CA10: variants seen among roughly 807,000 people sequenced by gnomAD.
CA10 encodes the protein carbonic anhydrase 10 (inactive).
A neutral mutation model predicts 44.2 loss-of-function variants in CA10; 14 were observed. The observed-to-expected ratio is 0.32, with a 90% confidence interval of 0.21 to 0.50. CA10 has a LOEUF of 0.50. Among genes scored for constraint, CA10 ranks in the 20% least tolerant of loss-of-function variants. The pLI, the probability that CA10 is intolerant of heterozygous loss-of-function variation, is 0.99. For synonymous variants in CA10, 159 were observed against 141.6 expected, an observed-to-expected ratio of 1.12 and a Z score of -0.87; for missense variants, 350 against 409.7, an observed-to-expected ratio of 0.85 and a Z score of 1.26.
rs2143203248 is a variant in CA10, at chr17:51,633,501, G to A, written c.939C>T (p.Asn313=). The A allele has an allele frequency of 6.2e-7, 1 of 1,613,734 alleles. No homozygotes were observed. The highest frequency in any genetic ancestry group is 8.5e-7 in the Non-Finnish European group (1 of 1,179,804). ...FSLQGKDCPN[N]RAQKLQYRVN... is the part of the protein sequence containing the mutation. ...CTCTATACTGAAGCTTCTGGGCTCG[G>A]TTGTTTGGACAGTCCTTCCCCTGTA... Residue 313 remains asparagine, a synonymous_variant, in exon 8 of 9, where the codon AAC becomes AAT. Coordinates refer to ENST00000451037, the MANE Select transcript of CA10 (RefSeq NM_020178.5).
At chr17:51,668,823 C>T (rs1005483385) in intron 4 of CA10, among the ~76,000 whole-genome samples, 7 of 152,100 alleles carry the variant, frequency 4.6e-5, no homozygotes, top group African/African-American at 1.2e-4. Flanking sequence ...TGGGCCAGCG[C>T]GAGTTCTGGG....
chr17:51,684,571 A>G (rs1399709950), intron 4 of CA10, among the ~76,000 whole-genome samples: 2 of 152,216 alleles, frequency 1.3e-5, no homozygotes, highest in Non-Finnish European at 2.9e-5. Flanking sequence ...CATAGCTTAC[A>G]TCGCTGACAC....
chr17:52,140,070 G>C (rs1446533199), intron 1 of CA10, among the ~76,000 whole-genome samples: 1 of 152,154 alleles, frequency 6.6e-6, no homozygotes, highest in Non-Finnish European at 1.5e-5. Flanking sequence ...CAGATCTGTG[G>C]TTGCCTGCAC....
chr17:51,632,977 A>G (rs1450609849), intron 8 of CA10, among the ~76,000 whole-genome samples: 2 of 152,172 alleles, frequency 1.3e-5, no homozygotes, highest in Non-Finnish European at 2.9e-5. Context: ...TGCCCTTTAG[A>G]GTATTTGTTC....
In CA10 at chr17:51,747,837, C is replaced by G; in HGVS notation, c.280-19G>C. ...CACTGACCTGCAAGGCAATTAGCAA[C>G]AGGTCAAGCAAGGCCCTCCTTCTTC... On this transcript the variant is annotated intron_variant, in intron 3 of 8. Coordinates refer to ENST00000451037, the MANE Select transcript of CA10 (RefSeq NM_020178.5). 1 of 1,592,510 alleles carries G rather than the reference C, an allele frequency of 6.3e-7. No individual in the cohort carries two copies. The highest frequency in any genetic ancestry group is 8.6e-7 in the Non-Finnish European group (1 of 1,167,674).
Position 51,824,676 on chromosome 17 carries a change from T to A in CA10, c.280-76858A>T, listed in dbSNP as rs76987195. 0.021 allele frequency among the ~76,000 whole-genome samples: 3,181 copies of A among 152,290 alleles called. 219 individuals are homozygous for A. The East Asian group carries it at 0.24, about 11-fold the overall frequency. ...TAACACCCTGACCCCAGCCCTGCAC[T>A]CTAATCATAGTTATGCGTTGAATCT... On this transcript the variant is annotated intron_variant, in intron 3 of 8. Transcript: ENST00000451037.
At chr17:52,094,987 T>C (rs1177177950) in intron 1 of CA10, among the ~76,000 whole-genome samples, 1 of 152,152 alleles carries the variant, frequency 6.6e-6, no homozygotes, top group African/African-American at 2.4e-5. Flanking sequence ...CAAAAAATAT[T>C]AGTGCGCATG....
intron 4 of CA10, among the ~76,000 whole-genome samples, chr17:51,707,437 A>G (rs375573969): frequency 3.9e-4 from 59 of 151,964 alleles, no homozygotes; most frequent in African/African-American, 1.4e-3. Context: ...TTGGTTACTC[A>G]CCTCCTGAAG....
At chr17:51,846,027 G>A (rs1978479455) in intron 3 of CA10, among the ~76,000 whole-genome samples, 1 of 152,234 alleles carries the variant, frequency 6.6e-6, no homozygotes, top group African/African-American at 2.4e-5. Context: ...CGAGAGCCCA[G>A]TGAGGGCAGC....
At chr17:52,081,175 G>C (rs1286137009) in intron 1 of CA10, among the ~76,000 whole-genome samples, 1 of 152,082 alleles carries the variant, frequency 6.6e-6, no homozygotes, top group Admixed American at 6.5e-5. Flanking sequence ...TGATATAGAG[G>C]GTGAGGTAGT....
chr17:52,033,852 T>G (rs1986539892), intron 2 of CA10, among the ~76,000 whole-genome samples: 1 of 152,168 alleles, frequency 6.6e-6, no homozygotes, highest in Non-Finnish European at 1.5e-5. Flanking sequence ...TTATTCAGCT[T>G]TTAAAAAGAA....
intron 2 of CA10, among the ~76,000 whole-genome samples, chr17:51,954,939 C>T (rs570604106): frequency 6.6e-6 from 1 of 152,208 alleles, no homozygotes; most frequent in South Asian, 2.1e-4. Flanking sequence ...GTCTGTGTAA[C>T]AGATAATGTA....
At chr17:51,713,771 C>T (rs934102463) in intron 4 of CA10, among the ~76,000 whole-genome samples, 1 of 152,164 alleles carries the variant, frequency 6.6e-6, no homozygotes, top group African/African-American at 2.4e-5. Flanking sequence ...GGTTCATGAC[C>T]TTACAGGTTG....
chr17:51,715,222 G>A (rs570555898), intron 4 of CA10, among the ~76,000 whole-genome samples: 37 of 152,126 alleles, frequency 2.4e-4, no homozygotes, highest in African/African-American at 8.7e-4. Flanking sequence ...GTTGTGGGGT[G>A]GGGGGTGGAG....
chr17:52,003,379 A>T (rs536218945), intron 2 of CA10, among the ~76,000 whole-genome samples: 1 of 151,834 alleles, frequency 6.6e-6, no homozygotes, highest in Non-Finnish European at 1.5e-5. Flanking sequence ...ACAAGCAAAT[A>T]CCACAGTACA....
chr17:52,122,545 G>A (rs1989034868), intron 1 of CA10, among the ~76,000 whole-genome samples: 1 of 152,156 alleles, frequency 6.6e-6, no homozygotes, highest in African/African-American at 2.4e-5. Flanking sequence ...CCCAAGGCAA[G>A]CTCCTTGCTT....
chr17:51,869,787 T>C (rs1979721946), intron 3 of CA10, among the ~76,000 whole-genome samples: 1 of 151,868 alleles, frequency 6.6e-6, no homozygotes, highest in African/African-American at 2.4e-5. Context: ...TCTGCCAGAG[T>C]AGGAAAAAAA....
intron 1 of CA10, among the ~76,000 whole-genome samples, chr17:52,148,723 A>G (rs1040214921): frequency 8.5e-5 from 13 of 152,236 alleles, no homozygotes; most frequent in Non-Finnish European, 5.9e-5. Context: ...ATTATTGAGC[A>G]TTTTCTAAAT....
At chr17:52,104,698 A>C (rs565880184) in intron 1 of CA10, among the ~76,000 whole-genome samples, 2 of 152,266 alleles carry the variant, frequency 1.3e-5, no homozygotes, top group African/African-American at 4.8e-5. Flanking sequence ...ACGGCACAAC[A>C]AGTGAAGCAC....
Sources: gnomAD v4.1 joint callset for allele counts (sites outside exome capture counted in the v4.1 genomes callset) on GRCh38, gnomAD v4.1.1 for gene constraint, MANE v1.5 for transcripts, NCBI Gene and HGNC (gene_info 2026-07-23, HGNC 2026-07-21) for gene names.